The following CADM3 variants were observed in gnomAD, a reference collection of about 807,000 sequenced individuals.
The protein encoded by CADM3 is cell adhesion molecule 3.
Under a neutral mutation model 44.9 loss-of-function variants are expected in CADM3, and 11 were observed. That is an observed-to-expected ratio of 0.25 (90% CI 0.15 to 0.41). The LOEUF (loss-of-function observed/expected upper bound fraction) is 0.41, where lower values mean the gene tolerates loss of function less well. Among genes scored for constraint, CADM3 ranks in the 10% least tolerant of loss-of-function variants. The probability of loss-of-function intolerance (pLI) is 1.00; values close to 1 mark genes in which losing one functional copy is unlikely to be tolerated. For missense variants in CADM3, 426 were observed against 512.0 expected (o/e 0.83, Z 1.62); for synonymous variants, 207 against 205.2 (o/e 1.01, Z -0.08).
At chr1:159,174,051 T>G (rs1648925658) in intron 1 of CADM3, among the ~76,000 whole-genome samples, 1 of 152,164 alleles carries the variant, frequency 6.6e-6, no homozygotes, top group African/African-American at 2.4e-5. Context: ...AATGGGGAAT[T>G]TCTAGAGAAG....
In CADM3 at chr1:159,202,784, C is replaced by G. The variant is rs1459726570; in HGVS notation, c.*1862C>G. On this transcript the variant is annotated 3_prime_UTR_variant, in exon 9 of 9. Coordinates refer to ENST00000368125, the MANE Select transcript of CADM3 (RefSeq NM_001127173.3). ...GGTAATACAGTTGTGAATCTTCCAG[C>G]CGCTGGTTAGGGCCTTGGGCACCAC... 1 of 152,152 alleles carries G rather than the reference C, an allele frequency of 6.6e-6. No individual in the cohort carries two copies. The highest frequency in any genetic ancestry group is 1.5e-5 in the Non-Finnish European group (1 of 68,088). 9.4% of individuals were successfully genotyped at this position (152,152 alleles called of 1,614,324 possible). A position where few individuals can be genotyped will look rare whatever the true frequency, so the allele number is the denominator to read the frequency against.
intron 2 of CADM3, 50 bp from the exon 3 acceptor site, chr1:159,192,528 A>T: frequency 1.9e-6 from 3 of 1,613,156 alleles, no homozygotes. Context: ...GAAGGTAAAC[A>T]TGAAAGGTGC....
chr1:159,191,136 C>T (rs1212091468), intron 1 of CADM3, among the ~76,000 whole-genome samples: 1 of 152,220 alleles, frequency 6.6e-6, no homozygotes, highest in East Asian at 1.9e-4. Context: ...AGATATCTTC[C>T]TAGTCCTTTT....
At chr1:159,172,209 T>C (rs1451777110) in intron 1 of CADM3, among the ~76,000 whole-genome samples, 1 of 152,060 alleles carries the variant, frequency 6.6e-6, no homozygotes, top group Non-Finnish European at 1.5e-5. Flanking sequence ...TCAGTATCTG[T>C]GTGTATGTCT....
chr1:159,192,526 A>T (rs1649709648), intron 2 of CADM3, 52 bp from the exon 3 acceptor site: 2 of 1,612,476 alleles, frequency 1.2e-6, no homozygotes, highest in African/African-American at 1.3e-5. Flanking sequence ...TGGAAGGTAA[A>T]CATGAAAGGT....
intron 7 of CADM3, among the ~76,000 whole-genome samples, chr1:159,199,228 A>T (rs1650040055): frequency 6.6e-6 from 1 of 152,006 alleles, no homozygotes; most frequent in Admixed American, 6.6e-5. Context: ...GCTGGCTCAG[A>T]ATATCAAGCA....
At position 159,196,419 on chromosome 1, in the gene CADM3, G is replaced by A; in HGVS notation, c.747G>A (p.Lys249=). ...PDPPHPREGQ[K]LLLHCEGRGN... Reference sequence around the variant, plus strand: ...CTCCCCATCCTCGTGAGGGCCAGAAGCTGTTGCTACACTGTGAGGGTCGCG... The same window carrying A: ...CTCCCCATCCTCGTGAGGGCCAGAAACTGTTGCTACACTGTGAGGGTCGCG... The change falls in exon 6 of 9, where the codon AAG becomes AAA. Residue 249 remains lysine, a synonymous_variant. Coordinates refer to ENST00000368125, the MANE Select transcript of CADM3 (RefSeq NM_001127173.3). 1 of 1,614,090 alleles carries A rather than the reference G, an allele frequency of 6.2e-7. No homozygotes were observed. The highest frequency in any genetic ancestry group is 8.5e-7 in the Non-Finnish European group (1 of 1,179,996).
intron 5 of CADM3, chr1:159,195,201 G>T: frequency 6.6e-6 from 1 of 152,390 alleles, no homozygotes; most frequent in Non-Finnish European, 1.5e-5. Context: ...CCGCAGTGCT[G>T]CCGCTTACTA....
chr1:159,187,514 CTTGAGT>C (rs1050409688), intron 1 of CADM3, among the ~76,000 whole-genome samples: 1 of 152,192 alleles, frequency 6.6e-6, no homozygotes, highest in Non-Finnish European at 1.5e-5. Flanking sequence ...CTGCCTATCT[CTTGAGT>C]TTGTTTTGAG....
At position 159,193,818 on chromosome 1, in the gene CADM3, T is replaced by A. The variant is rs3026989; in HGVS notation, c.521-52T>A. The A allele has an allele frequency of 3.0e-4, 482 of 1,599,052 alleles. 7 individuals carry two copies. The East Asian group carries it at 7.8e-3, about 26-fold the overall frequency. ...CATGATATCTGTATGTTAGGTTTAC[T>A]CTGTGTCTCTCTCTGTGTGTTTGTG... On this transcript the variant is annotated intron_variant, in intron 4 of 8. Transcript: ENST00000368125.
At position 159,194,018 on chromosome 1, in the gene CADM3, C is replaced by G. The variant is rs1333624044; in HGVS notation, c.669C>G (p.Thr223=). Residue 223 remains threonine, a synonymous_variant, in exon 5 of 9, where the codon ACC becomes ACG. Coordinates refer to ENST00000368125, the MANE Select transcript of CADM3 (RefSeq NM_001127173.3). ...CTCTAAAGGGAGCTGACAGATCCAC[C>G]TCTCAACGCATTGAAGTTTTATGTA... ...HESLKGADRS[T]SQRIEVLYTP... 6.2e-7 allele frequency: 1 copy of G among 1,613,862 alleles called. No individual in the cohort carries two copies.
Position 159,196,264 on chromosome 1 carries a change from C to T in CADM3, c.692-100C>T, listed in dbSNP as rs750305702. The T allele has an allele frequency of 4.2e-5, 36 of 850,422 alleles. No individual in the cohort carries two copies. In the East Asian group the frequency reaches 5.3e-4, roughly 13 times the overall value. The allele number at this position is 850,422 out of a possible 1,614,324, so 52.7% of individuals were successfully genotyped here. On this transcript the variant is annotated intron_variant, in intron 5 of 8. Transcript: ENST00000368125. ...GGTCTTTGTTGCACTTCTTGAGCTG[C>T]GGAAACATTTAGAGGTAGAAGCTGT...
chr1:159,192,951 T>C (rs1041554316), intron 3 of CADM3, among the ~76,000 whole-genome samples: 6 of 152,228 alleles, frequency 3.9e-5, no homozygotes, highest in Admixed American at 2.6e-4. Flanking sequence ...TTACTCTCTT[T>C]GAGTCTGAAT....
intron 1 of CADM3, 22 bp downstream of exon 1, chr1:159,171,875 G>C: frequency 8.1e-7 from 1 of 1,228,636 alleles, no homozygotes; most frequent in Non-Finnish European, 1.0e-6. Flanking sequence ...AGGGGGCGGC[G>C]CCTGGGGAGG....
At chr1:159,199,242 A>G (rs1435935353) in intron 7 of CADM3, among the ~76,000 whole-genome samples, 2 of 151,934 alleles carry the variant, frequency 1.3e-5, no homozygotes, top group Non-Finnish European at 2.9e-5. Flanking sequence ...TCAAGCAGAC[A>G]GGAGGGTAAG....
chr1:159,183,036 C>T (rs1223767933), intron 1 of CADM3, among the ~76,000 whole-genome samples: 1 of 152,202 alleles, frequency 6.6e-6, no homozygotes, highest in Non-Finnish European at 1.5e-5. Flanking sequence ...CCTAGCCACA[C>T]ACCATTCCCA....
intron 1 of CADM3, among the ~76,000 whole-genome samples, chr1:159,172,486 G>A (rs1264932332): frequency 6.6e-6 from 1 of 152,126 alleles, no homozygotes; most frequent in Non-Finnish European, 1.5e-5. Context: ...CAACAACACA[G>A]GGCGGAGGGG....
chr1:159,190,888 T>C (rs772979320), intron 1 of CADM3, among the ~76,000 whole-genome samples: 3 of 152,194 alleles, frequency 2.0e-5, no homozygotes, highest in Non-Finnish European at 2.9e-5. Context: ...AAAGAACAGA[T>C]TTTTGTGGAT....
chr1:159,189,654 G>T, intron 1 of CADM3: 2 of 728,956 alleles, frequency 2.7e-6, no homozygotes, highest in Non-Finnish European at 2.3e-6. Flanking sequence ...AGGTATCCTG[G>T]TGAACCTATT....
Sources: allele counts gnomAD v4.1 joint callset (sites outside exome capture counted in the v4.1 genomes callset), GRCh38; gene constraint gnomAD v4.1.1; transcripts MANE v1.5; gene names NCBI Gene and HGNC (gene_info 2026-07-23, HGNC 2026-07-21).